Variants in MGAT4C observed in about 807,000 individuals in gnomAD.
MGAT4C encodes the protein MGAT4 family member C.
MGAT4C carries 19 observed loss-of-function variants against 40.1 expected under a neutral mutation model. That is an observed-to-expected ratio of 0.47 (90% CI 0.33 to 0.70). MGAT4C has a LOEUF of 0.70. Among genes scored for constraint, MGAT4C ranks in the 30% least tolerant of loss-of-function variants. The pLI, the probability that MGAT4C is intolerant of heterozygous loss-of-function variation, is 0.02. For synonymous variants in MGAT4C, 181 were observed against 187.1 expected, an observed-to-expected ratio of 0.97 and a Z score of 0.27; for missense variants, 491 against 563.2, an observed-to-expected ratio of 0.87 and a Z score of 1.30.
chr12:86,039,017 C>A (rs1891531455), intron 2 of MGAT4C, among the ~76,000 whole-genome samples: 1 of 149,688 alleles, frequency 6.7e-6, no homozygotes, highest in Non-Finnish European at 1.5e-5. Context: ...ATATAAAATT[C>A]TGTGTTGAAC....
At chr12:86,392,857 G>A (rs2136229719) in intron 3 of MGAT4C, among the ~76,000 whole-genome samples, 1 of 152,178 alleles carries the variant, frequency 6.6e-6, no homozygotes, top group East Asian at 1.9e-4. Context: ...TCATCAATTT[G>A]TACACTATAA....
chr12:86,320,112 C>A (rs1773787978), intron 4 of MGAT4C, among the ~76,000 whole-genome samples: 1 of 152,056 alleles, frequency 6.6e-6, no homozygotes, highest in Admixed American at 6.6e-5. Flanking sequence ...TACAAGATCT[C>A]CCTCACCACG....
rs1356210771 is a variant in MGAT4C at position 85,967,997 on chromosome 12, A to C, written c.*11292T>G. 6.6e-6 allele frequency: 1 copy of C among 152,106 alleles called. No homozygotes were observed. The highest frequency in any genetic ancestry group is 2.4e-5 in the African/African-American group (1 of 41,454). 9.4% of individuals were successfully genotyped at this position (152,106 alleles called of 1,614,324 possible). On this transcript the variant is annotated 3_prime_UTR_variant, in exon 5 of 5. Transcript: ENST00000611864. ...CTCAAACCTTTTAAACACTTAGAGC[A>C]AGTCAATATGACTTGTTCTGTTTCA...
At chr12:86,817,034 T>C (rs1952620053) in intron 1 of MGAT4C, among the ~76,000 whole-genome samples, 2 of 151,078 alleles carry the variant, frequency 1.3e-5, no homozygotes, top group Non-Finnish European at 3.0e-5. Flanking sequence ...TTTTTCTTTC[T>C]TTCAGTATAT....
chr12:86,335,007 C>T (rs931031445), intron 3 of MGAT4C, among the ~76,000 whole-genome samples: 2 of 151,670 alleles, frequency 1.3e-5, no homozygotes, highest in African/African-American at 2.4e-5. Flanking sequence ...ATTTTAACTG[C>T]TATGTATTAT....
At position 85,976,425 on chromosome 12, in the gene MGAT4C, C is replaced by A. The variant is rs1592584528; in HGVS notation, c.*2864G>T. 1.3e-5 allele frequency: 2 copies of A among 150,542 alleles called. No individual in the cohort carries two copies. The highest frequency in any genetic ancestry group is 4.8e-5 in the African/African-American group (2 of 41,300). The allele number at this position is 150,542 out of a possible 1,614,324, so 9.3% of individuals were successfully genotyped here. On this transcript the variant is annotated 3_prime_UTR_variant, in exon 5 of 5. Coordinates refer to ENST00000611864, the MANE Select transcript of MGAT4C (RefSeq NM_001351288.2). ...TTGTGCTTTTACAAGATACTTTTTT[C>A]TTTGATGTCCATAACTGCTGAAAAG...
chr12:86,102,681 G>C (rs1192296865), intron 1 of MGAT4C, among the ~76,000 whole-genome samples: 1 of 152,060 alleles, frequency 6.6e-6, no homozygotes, highest in Non-Finnish European at 1.5e-5. Context: ...CTGCATAAAG[G>C]AGAAAGGGGT....
chr12:86,677,307 T>C (rs1374819865), intron 2 of MGAT4C, among the ~76,000 whole-genome samples: 1 of 152,146 alleles, frequency 6.6e-6, no homozygotes, highest in Non-Finnish European at 1.5e-5. Flanking sequence ...AATCTCTTGA[T>C]GGCTATTAGA....
chr12:86,197,707 T>C (rs557827114), intron 1 of MGAT4C, among the ~76,000 whole-genome samples: 1 of 152,300 alleles, frequency 6.6e-6, no homozygotes, highest in African/African-American at 2.4e-5. Flanking sequence ...GACAGATAGA[T>C]ACGTAGATAT....
At chr12:86,182,800 A>G (rs1888272059) in intron 1 of MGAT4C, among the ~76,000 whole-genome samples, 1 of 152,132 alleles carries the variant, frequency 6.6e-6, no homozygotes, top group Admixed American at 6.5e-5. Context: ...TATGGTCATG[A>G]TATATACCAG....
intron 2 of MGAT4C, among the ~76,000 whole-genome samples, chr12:86,438,539 C>G (rs936141118): frequency 1.4e-4 from 22 of 151,890 alleles, no homozygotes; most frequent in African/African-American, 4.3e-4. Context: ...TAGAAGATGG[C>G]ATCCCTATAA....
chr12:86,740,308 G>A (rs1951048732), intron 1 of MGAT4C, among the ~76,000 whole-genome samples: 1 of 150,926 alleles, frequency 6.6e-6, no homozygotes, highest in African/African-American at 2.4e-5. Flanking sequence ...ATGGTCATAA[G>A]GATAGGATTC....
chr12:86,796,829 GTTAA>G (rs1952132206), intron 1 of MGAT4C, among the ~76,000 whole-genome samples: 1 of 151,820 alleles, frequency 6.6e-6, no homozygotes, highest in African/African-American at 2.4e-5. Context: ...AAATGCATAT[GTTAA>G]TTACTTAGAT....
At chr12:86,067,288 G>T (rs1351928994) in intron 1 of MGAT4C, among the ~76,000 whole-genome samples, 1 of 152,148 alleles carries the variant, frequency 6.6e-6, no homozygotes, top group Non-Finnish European at 1.5e-5. Flanking sequence ...TTTCACAATA[G>T]CAAAGACTTG....
At chr12:86,471,365 T>C (rs1367513370) in intron 2 of MGAT4C, among the ~76,000 whole-genome samples, 1 of 152,040 alleles carries the variant, frequency 6.6e-6, no homozygotes, top group African/African-American at 2.4e-5. Flanking sequence ...AGTAAAATGA[T>C]GTATGGGACT....
chr12:86,722,986 G>T (rs1255738288), intron 2 of MGAT4C, among the ~76,000 whole-genome samples: 1 of 152,092 alleles, frequency 6.6e-6, no homozygotes, highest in Non-Finnish European at 1.5e-5. Context: ...TTAATTATTT[G>T]TGTTTCTTGA....
intron 1 of MGAT4C, among the ~76,000 whole-genome samples, chr12:86,100,769 G>A (rs1874856967): frequency 6.6e-6 from 1 of 151,376 alleles, no homozygotes; most frequent in Non-Finnish European, 1.5e-5. Flanking sequence ...GACAAACATG[G>A]TCAAATAAAA....
chr12:86,433,867 A>C (rs1592842821), intron 3 of MGAT4C, among the ~76,000 whole-genome samples: 1 of 152,136 alleles, frequency 6.6e-6, no homozygotes, highest in Admixed American at 6.6e-5. Context: ...TGAATTCATT[A>C]TTTTTAAGCA....
intron 2 of MGAT4C, among the ~76,000 whole-genome samples, chr12:85,992,247 A>C (rs1038245659): frequency 6.6e-6 from 1 of 152,220 alleles, no homozygotes; most frequent in African/African-American, 2.4e-5. Context: ...TGGGGATGAC[A>C]CTGTCAATCC....
Sources: allele counts gnomAD v4.1 joint callset (sites outside exome capture counted in the v4.1 genomes callset), GRCh38; gene constraint gnomAD v4.1.1; transcripts MANE v1.5; gene names NCBI Gene and HGNC (gene_info 2026-07-23, HGNC 2026-07-21).